CRPPA: variants seen among roughly 807,000 people sequenced by gnomAD.
CRPPA encodes the protein D-ribitol-5-phosphate cytidylyltransferase.
A neutral mutation model predicts 52.0 loss-of-function variants in CRPPA; 43 were observed. The ratio of observed to expected loss-of-function variants is 0.83; its 90% CI spans 0.65 to 1.07. The LOEUF (loss-of-function observed/expected upper bound fraction) is 1.07. Ranked by LOEUF, CRPPA falls within the 50% of genes least tolerant of loss-of-function variation. The pLI, the probability that CRPPA is intolerant of heterozygous loss-of-function variation, is 0.00. For missense variants in CRPPA, 629 were observed against 551.7 expected, an observed-to-expected ratio of 1.14 and a Z score of -1.40; for synonymous variants, 250 against 203.5, an observed-to-expected ratio of 1.23 and a Z score of -1.94.
At chr7:16,354,249 A>G (rs752313254) in intron 3 of CRPPA, among the ~76,000 whole-genome samples, 19 of 152,198 alleles carry the variant, frequency 1.2e-4, no homozygotes, top group Admixed American at 3.9e-4. Context: ...TAATAAAGCC[A>G]TAATAAAAAC....
In CRPPA at chr7:16,103,672, G is replaced by A. The variant is rs568771499; in HGVS notation, c.1252-11873C>T. ...TCTATACTAACACACCCAAGTCTGG[G>A]GGATAAGGGCAGACAATGAGGCAGG... On this transcript the variant is annotated intron_variant, in intron 9 of 9. Coordinates refer to ENST00000407010, the MANE Select transcript of CRPPA (RefSeq NM_001101426.4). Among the ~76,000 whole-genome samples the A allele has an allele frequency of 3.3e-4, 50 of 152,232 alleles. 1 individual carries two copies. The highest frequency in any genetic ancestry group is 3.4e-3 in the Middle Eastern group (1 of 294).
At chr7:16,265,694 T>TA (rs927531125) in intron 6 of CRPPA, among the ~76,000 whole-genome samples, 1 of 151,430 alleles carries the variant, frequency 6.6e-6, no homozygotes, top group Non-Finnish European at 1.5e-5. Context: ...GAGGACCCTT[T>TA]AAAACATATC....
chr7:16,254,846 A>AAAGAAAGG (rs1354126469), intron 8 of CRPPA, among the ~76,000 whole-genome samples: 37 of 138,510 alleles, frequency 2.7e-4, no homozygotes, highest in Non-Finnish European at 4.9e-4. Flanking sequence ...AGAAAGAAAG[A>AAAGAAAGG]GAAAGAAGAA....
chr7:16,272,147 A>C (rs1396605782), intron 6 of CRPPA, among the ~76,000 whole-genome samples: 2 of 152,184 alleles, frequency 1.3e-5, no homozygotes, highest in Non-Finnish European at 2.9e-5. Flanking sequence ...AATTGCTGAG[A>C]AAAACGGAGG....
At chr7:16,139,040 G>A (rs894734327) in intron 9 of CRPPA, among the ~76,000 whole-genome samples, 39 of 152,192 alleles carry the variant, frequency 2.6e-4, no homozygotes, top group African/African-American at 9.4e-4. Flanking sequence ...GACCTCAAGT[G>A]ATCCACCCAC....
chr7:16,230,629 G>A (rs755931498), intron 8 of CRPPA, among the ~76,000 whole-genome samples: 1 of 152,046 alleles, frequency 6.6e-6, no homozygotes, highest in Non-Finnish European at 1.5e-5. Context: ...AAGCTCACAT[G>A]TCTCCATTTC....
At chr7:16,107,468 T>A (rs1782180173) in intron 9 of CRPPA, among the ~76,000 whole-genome samples, 1 of 152,044 alleles carries the variant, frequency 6.6e-6, no homozygotes, top group Non-Finnish European at 1.5e-5. Context: ...GATGATATAT[T>A]CAAAGTCTTA....
At chr7:16,329,820 A>C (rs573769469) in intron 3 of CRPPA, among the ~76,000 whole-genome samples, 2 of 152,354 alleles carry the variant, frequency 1.3e-5, no homozygotes, top group African/African-American at 4.8e-5. Flanking sequence ...GCAATCACAA[A>C]AGACATAAAA....
chr7:16,257,943 G>A (rs1037032398), intron 8 of CRPPA, among the ~76,000 whole-genome samples: 1 of 151,900 alleles, frequency 6.6e-6, no homozygotes, highest in Admixed American at 6.6e-5. Context: ...TCTTTAATTC[G>A]TGTTCTACTT....
chr7:16,265,102 G>C (rs911069993), intron 6 of CRPPA, among the ~76,000 whole-genome samples: 2 of 152,190 alleles, frequency 1.3e-5, no homozygotes, highest in African/African-American at 4.8e-5. Context: ...AATCCTGGTA[G>C]AGTTGTAAGC....
chr7:16,216,050 T>C lies in CRPPA; in HGVS notation c.1251+16A>G. ...GTCTACAGAACATACATTCGGAAGATAAACATTTTACCTACCTGTGGGTAA... is the reference window on the plus strand; with the variant it reads ...GTCTACAGAACATACATTCGGAAGACAAACATTTTACCTACCTGTGGGTAA... On this transcript the variant is annotated intron_variant, in intron 9 of 9. Coordinates refer to ENST00000407010, the MANE Select transcript of CRPPA (RefSeq NM_001101426.4). The C allele has an allele frequency of 6.4e-7, 1 of 1,565,686 alleles. No homozygotes were observed.
intron 3 of CRPPA, among the ~76,000 whole-genome samples, chr7:16,362,136 G>C (rs1231311736): frequency 6.6e-6 from 1 of 152,218 alleles, no homozygotes; most frequent in African/African-American, 2.4e-5. Context: ...TTACAGGCGT[G>C]AGCCACCGCG....
At chr7:16,410,081 C>T (rs1339909930) in intron 1 of CRPPA, among the ~76,000 whole-genome samples, 2 of 152,186 alleles carry the variant, frequency 1.3e-5, no homozygotes, top group Non-Finnish European at 2.9e-5. Context: ...AGAATGAAAA[C>T]AGCATTCCCT....
chr7:16,171,064 T>A (rs998378235), intron 9 of CRPPA, among the ~76,000 whole-genome samples: 1 of 152,124 alleles, frequency 6.6e-6, no homozygotes, highest in Non-Finnish European at 1.5e-5. Context: ...GTGGTCAGAG[T>A]GGACGCCAAG....
At chr7:16,235,742 A>G (rs750234647) in intron 8 of CRPPA, among the ~76,000 whole-genome samples, 1 of 152,088 alleles carries the variant, frequency 6.6e-6, no homozygotes, top group Non-Finnish European at 1.5e-5. Context: ...ATTCTACTAA[A>G]TGATTTTCAA....
At chr7:16,213,521 G>T (rs922851544) in intron 9 of CRPPA, among the ~76,000 whole-genome samples, 2 of 151,954 alleles carry the variant, frequency 1.3e-5, no homozygotes, top group Non-Finnish European at 2.9e-5. Flanking sequence ...GGCTGAGGTG[G>T]GTGGATCACC....
intron 3 of CRPPA, among the ~76,000 whole-genome samples, chr7:16,312,537 G>T (rs1369446809): frequency 6.6e-6 from 1 of 151,866 alleles, no homozygotes; most frequent in Non-Finnish European, 1.5e-5. Context: ...AGACAATCAT[G>T]TCATCTGTGA....
chr7:16,415,153 C>T lies in CRPPA; in HGVS notation c.257+5913G>A, dbSNP rs148662321. ...GTAGTTTTCTAAGCAGTTTCAATGG[C>T]GCAAAGTAGAACTTGGCTAAACTAA... On this transcript the variant is annotated intron_variant, in intron 1 of 9. Coordinates refer to ENST00000407010, the MANE Select transcript of CRPPA (RefSeq NM_001101426.4). Among the ~76,000 whole-genome samples, 6 of 152,256 alleles carry T rather than the reference C, an allele frequency of 3.9e-5. No individual in the cohort carries two copies. The East Asian group carries it at 5.8e-4, about 15-fold the overall frequency.
chr7:16,233,061 C>T (rs928168010), intron 8 of CRPPA, among the ~76,000 whole-genome samples: 7 of 151,836 alleles, frequency 4.6e-5, no homozygotes, highest in Non-Finnish European at 1.0e-4. Flanking sequence ...AAAACCCCCA[C>T]TAGAAATAAT....
Sources: gnomAD v4.1 joint callset for allele counts (sites outside exome capture counted in the v4.1 genomes callset) on GRCh38, gnomAD v4.1.1 for gene constraint, MANE v1.5 for transcripts, NCBI Gene and HGNC (gene_info 2026-07-23, HGNC 2026-07-21) for gene names.